ANK2: variants seen among roughly 807,000 people sequenced by gnomAD.
The protein encoded by ANK2 is ankyrin 2.
In ANK2, 83 loss-of-function variants were observed where a neutral mutation model predicts 360.5. The ratio of observed to expected loss-of-function variants is 0.23; its 90% CI spans 0.19 to 0.28. The LOEUF (loss-of-function observed/expected upper bound fraction) is 0.28, where lower values mean the gene tolerates loss of function less well. ANK2 is among the 10% of genes least tolerant of loss of function. The pLI, the probability that ANK2 is intolerant of heterozygous loss-of-function variation, is 1.00. For synonymous variants in ANK2, 1,740 were observed against 1,759.5 expected (o/e 0.99, Z 0.28); for missense variants, 4,201 against 4,795.7 (o/e 0.88, Z 3.66).
the ANK2 span, among the ~76,000 whole-genome samples, chr4:112,812,197 C>A: frequency 1.7e-5 from 2 of 120,378 alleles, no homozygotes; most frequent in African/African-American, 3.8e-5. Context: ...ATAATAGTTA[C>A]CTCAATGAGG....
the ANK2 span, among the ~76,000 whole-genome samples, chr4:112,793,701 C>A: frequency 7.8e-6 from 1 of 128,682 alleles, no homozygotes; most frequent in Non-Finnish European, 1.6e-5. Flanking sequence ...AAATAATTTT[C>A]TTTTCTTTTT....
chr4:113,201,242 G>A (rs138056057), intron 4 of ANK2, among the ~76,000 whole-genome samples: 1,948 of 152,116 alleles, frequency 0.013, 24 homozygotes, highest in Non-Finnish European at 0.022. Context: ...TTTTGCTTTA[G>A]ACAGAGGTTT....
At chr4:113,319,945 C>G (rs1164757760) in intron 26 of ANK2, among the ~76,000 whole-genome samples, 1 of 152,128 alleles carries the variant, frequency 6.6e-6, no homozygotes, top group Non-Finnish European at 1.5e-5. Context: ...AGTTCATATG[C>G]AGCCTACAAA....
At chr4:113,252,885 AC>A (rs1016468833) in intron 10 of ANK2, among the ~76,000 whole-genome samples, 42 of 152,204 alleles carry the variant, frequency 2.8e-4, no homozygotes, top group African/African-American at 9.6e-4. Flanking sequence ...ATGATCACTA[AC>A]CTCAAGTCAG....
At chr4:113,175,994 G>T (rs976936125) in intron 2 of ANK2, among the ~76,000 whole-genome samples, 3 of 152,176 alleles carry the variant, frequency 2.0e-5, no homozygotes, top group African/African-American at 7.2e-5. Context: ...TTTTTATCTG[G>T]GCTATTTCTC....
intron 40 of ANK2, among the ~76,000 whole-genome samples, chr4:113,364,781 C>G (rs562075394): frequency 1.3e-5 from 2 of 152,246 alleles, no homozygotes; most frequent in South Asian, 4.1e-4. Context: ...GAAGTATTTG[C>G]TTTTTATCTG....
At chr4:113,190,560 T>C (rs997813207) in intron 2 of ANK2, among the ~76,000 whole-genome samples, 1 of 152,148 alleles carries the variant, frequency 6.6e-6, no homozygotes, top group Non-Finnish European at 1.5e-5. Context: ...ACTGAGATAT[T>C]TTCTATTAAA....
the ANK2 span, among the ~76,000 whole-genome samples, chr4:112,720,707 T>C: frequency 9.2e-5 from 14 of 152,370 alleles, no homozygotes; most frequent in African/African-American, 3.4e-4. Context: ...ATGTGTGGAC[T>C]AGATAGAAGG....
chr4:113,303,279 G>A (rs1587717752), intron 23 of ANK2, among the ~76,000 whole-genome samples: 1 of 152,248 alleles, frequency 6.6e-6, no homozygotes, highest in Admixed American at 6.5e-5. Context: ...TATTCTGGTT[G>A]GTTCATATGT....
intron 1 of ANK2, among the ~76,000 whole-genome samples, chr4:112,835,372 G>A (rs983445114): frequency 1.3e-5 from 2 of 152,002 alleles, no homozygotes; most frequent in Non-Finnish European, 2.9e-5. Flanking sequence ...ATTATTTAAA[G>A]TATTTGCTCT....
At chr4:113,284,595 G>A (rs567767877) in intron 18 of ANK2, among the ~76,000 whole-genome samples, 1 of 152,238 alleles carries the variant, frequency 6.6e-6, no homozygotes, top group South Asian at 2.1e-4. Context: ...CATTTAAGGA[G>A]TATTTTTTAG....
chr4:112,874,080 CTTTTTT>C (rs544871774), intron 1 of ANK2, among the ~76,000 whole-genome samples: 1 of 122,138 alleles, frequency 8.2e-6, no homozygotes, highest in Admixed American at 8.6e-5. Flanking sequence ...TTGGGGTTCT[CTTTTTT>C]TTTTTTTTTT....
At chr4:113,088,777 T>G (rs2154352058) in intron 1 of ANK2, among the ~76,000 whole-genome samples, 1 of 152,224 alleles carries the variant, frequency 6.6e-6, no homozygotes, top group Middle Eastern at 3.4e-3. Context: ...AACCACATTT[T>G]TACAGATGAG....
At chr4:113,279,633 A>C (rs1436906491) in intron 17 of ANK2, among the ~76,000 whole-genome samples, 1 of 149,268 alleles carries the variant, frequency 6.7e-6, no homozygotes, top group East Asian at 1.9e-4. Context: ...AATTTTATAC[A>C]TATTATAAAT....
intron 1 of ANK2, among the ~76,000 whole-genome samples, chr4:112,895,459 C>A (rs12511996): frequency 0.076 from 11,553 of 152,082 alleles, 897 homozygotes; most frequent in East Asian, 0.3. Flanking sequence ...GATTATTTTC[C>A]CCACCAATTT....
chr4:113,171,743 T>C (rs2097960713), intron 1 of ANK2, among the ~76,000 whole-genome samples: 1 of 152,196 alleles, frequency 6.6e-6, no homozygotes, highest in Non-Finnish European at 1.5e-5. Flanking sequence ...AAAAGTTTGA[T>C]GAAAAGAGAA....
At chr4:112,855,816 G>A (rs997956024) in intron 1 of ANK2, among the ~76,000 whole-genome samples, 2 of 152,092 alleles carry the variant, frequency 1.3e-5, no homozygotes, top group Admixed American at 6.5e-5. Context: ...ATGGGGCAGC[G>A]TTACCTGGAA....
At chr4:113,009,329 T>C (rs949089090) in intron 2 of ANK2, among the ~76,000 whole-genome samples, 3 of 152,164 alleles carry the variant, frequency 2.0e-5, no homozygotes, top group African/African-American at 7.2e-5. Flanking sequence ...AAATATATAT[T>C]CACTATTTTA....
the ANK2 span, among the ~76,000 whole-genome samples, chr4:112,751,218 G>C: frequency 6.6e-6 from 1 of 152,126 alleles, no homozygotes; most frequent in Non-Finnish European, 1.5e-5. Context: ...AGTGTAAAAG[G>C]TGACCAGGCT....
Sources: gnomAD v4.1 joint callset for allele counts (sites outside exome capture counted in the v4.1 genomes callset) on GRCh38, gnomAD v4.1.1 for gene constraint, MANE v1.5 for transcripts, NCBI Gene and HGNC (gene_info 2026-07-23, HGNC 2026-07-21) for gene names.